ZNF469: variants seen among roughly 807,000 people sequenced by gnomAD.
ZNF469 encodes zinc finger protein 469.
ZNF469 carries 1 observed loss-of-function variant against 1.0 expected under a neutral mutation model. The observed-to-expected ratio is 1.00, with a 90% CI of 0.35 to 4.73. The LOEUF is 4.73. Among genes scored for constraint, ZNF469 ranks in the 30% most tolerant of loss-of-function variants. The pLI is 0.16. For missense variants in ZNF469, 6,100 were observed against 5,356.3 expected (o/e 1.14, Z -4.33); for synonymous variants, 2,703 against 2,363.4 (o/e 1.14, Z -4.17).
chr16:88,168,921 C>CCCG, the ZNF469 span, among the ~76,000 whole-genome samples: 3,699 of 127,062 alleles, frequency 0.029, 133 homozygotes, highest in South Asian at 0.12. The surrounding 1 kb of genome is among the most constrained non-coding windows in gnomAD (Gnocchi z 4.3). Flanking sequence ...CATAGTGAGA[C>CCCG]CCCCCCCTCT....
At chr16:88,205,963 G>GT in the ZNF469 span, among the ~76,000 whole-genome samples, 1 of 152,020 alleles carries the variant, frequency 6.6e-6, no homozygotes, top group African/African-American at 2.4e-5. This position sits in a 1 kb window ranked among gnomAD's most constrained non-coding sequence, Gnocchi z 4.2. Context: ...GGAAGGGGGG[G>GT]GCCCAGCCCA....
In ZNF469 at chr16:88,437,269, C is replaced by G; in HGVS notation, c.9799C>G (p.Pro3267Ala). Residue 3267 changes from proline to alanine, a missense_variant, in exon 3 of 3, where the codon CCG (proline) becomes GCG (alanine). Pro to Ala is a conservative substitution (Grantham distance 27). Transcript: ENST00000565624. The stretch of plus-strand genomic sequence containing the variant: ...AGAGGGAGAAGCCAAGAAAGACAGC[C>G]CGGGCGAGAGGGCGAAACCCCGGGC... ...GQEGEAKKDS[P>A]GERAKPRARS... is the part of the protein sequence containing the mutation. The G allele has an allele frequency of 6.5e-7, 1 of 1,548,518 alleles. No homozygotes were observed. The highest frequency in any genetic ancestry group is 1.4e-5 in the African/African-American group (1 of 73,088).
the ZNF469 span, among the ~76,000 whole-genome samples, chr16:88,358,821 C>G: frequency 2.0e-5 from 3 of 151,964 alleles, no homozygotes; most frequent in South Asian, 4.2e-4. Context: ...CAGGTTCAAG[C>G]GATTCTCCTG....
chr16:88,246,269 C>T, the ZNF469 span, among the ~76,000 whole-genome samples: 9 of 152,248 alleles, frequency 5.9e-5, no homozygotes, highest in African/African-American at 1.4e-4. Context: ...TTCATCCCTT[C>T]TGTATTTAAC....
At chr16:88,103,701 A>ACGGTCACTGCATTCGTCACTCTTAGCTGC in the ZNF469 span, among the ~76,000 whole-genome samples, 1 of 150,070 alleles carries the variant, frequency 6.7e-6, no homozygotes, top group African/African-American at 2.5e-5. Context: ...TGGCACGAGG[A>ACGGTCACTGCATTCGTCACTCTTAGCTGC]AGCGCTGGAA....
chr16:88,223,614 T>C, the ZNF469 span, among the ~76,000 whole-genome samples: 1 of 152,170 alleles, frequency 6.6e-6, no homozygotes, highest in African/African-American at 2.4e-5. Context: ...TGCTTGGGAA[T>C]GATGCCTCGA....
At position 88,435,059 on chromosome 16, in the gene ZNF469, G is replaced by C. The variant is rs950651470; in HGVS notation, c.7589G>C (p.Ser2530Thr). ...AAGTGCCAGCCGCCCAGGAAGAAAA[G>C]CCACAGGGTGTCTGGGAAGGAGAGA... ...AQKCQPPRKK[S>T]HRVSGKERPN... is the part of the protein sequence containing the mutation. The change falls in exon 3 of 3, where the codon AGC (serine) becomes ACC (threonine). Residue 2530 changes from serine (S) to threonine (T), a missense_variant. Ser to Thr is a moderately conservative substitution (Grantham distance 58, BLOSUM62 1). Transcript: ENST00000565624. 4 of 1,550,286 alleles carry C rather than the reference G, an allele frequency of 2.6e-6. No individual in the cohort carries two copies. The African/African-American group carries it at 5.5e-5, about 21-fold the overall frequency.
Position 88,432,111 on chromosome 16 carries a change from T to A in ZNF469, c.4641T>A (p.Ser1547Arg), listed in dbSNP as rs761880505. ...GAAPSLPGKGSGCSVALMSHL... is the reference protein window; with the variant it reads ...GAAPSLPGKGRGCSVALMSHL... ...CCCCATCTTTGCCTGGGAAGGGGAGTGGATGTAGCGTTGCTCTTATGAGTC... is the reference window on the plus strand; with the variant it reads ...CCCCATCTTTGCCTGGGAAGGGGAGAGGATGTAGCGTTGCTCTTATGAGTC... The change falls in exon 3 of 3, where the codon AGT (serine) becomes AGA (arginine). Residue 1547 changes from serine (S) to arginine (R), a missense_variant. Ser to Arg is a moderately radical substitution (Grantham distance 110, BLOSUM62 -1). Coordinates refer to ENST00000565624, the MANE Select transcript of ZNF469 (RefSeq NM_001367624.2). 10 of 1,549,392 alleles carry A rather than the reference T, an allele frequency of 6.5e-6. No individual in the cohort carries two copies. The South Asian group carries it at 1.2e-4, about 18-fold the overall frequency.
At chr16:88,354,173 C>A in the ZNF469 span, among the ~76,000 whole-genome samples, 1 of 152,162 alleles carries the variant, frequency 6.6e-6, no homozygotes, top group African/African-American at 2.4e-5. Flanking sequence ...TCCTTGCAAC[C>A]CAAGGGGTTC....
At chr16:88,193,048 ATGATGGTGATGGTGG>A in the ZNF469 span, among the ~76,000 whole-genome samples, 2 of 38,528 alleles carry the variant, frequency 5.2e-5, no homozygotes, top group Non-Finnish European at 1.2e-4. Context: ...GGTGGTGGTG[ATGATGGTGATGGTGG>A]TGATGGTGGT....
At chr16:88,328,174 G>A in the ZNF469 span, among the ~76,000 whole-genome samples, 2 of 152,266 alleles carry the variant, frequency 1.3e-5, no homozygotes, top group African/African-American at 4.8e-5. Flanking sequence ...CGGGGCTGCT[G>A]TGCAGGCAGA....
the ZNF469 span, among the ~76,000 whole-genome samples, chr16:88,248,109 C>A: frequency 2.0e-5 from 3 of 152,094 alleles, no homozygotes; most frequent in Non-Finnish European, 4.4e-5. Flanking sequence ...AGCCAGAGAA[C>A]CAGTCTCTGA....
At chr16:88,382,762 A>G (rs2092528435), upstream of ZNF469, among the ~76,000 whole-genome samples, 1 of 152,238 alleles carries the variant, frequency 6.6e-6, no homozygotes. Context: ...CCGTCTCAGC[A>G]GCAAGGCCTG....
chr16:88,252,105 C>G, the ZNF469 span, among the ~76,000 whole-genome samples: 4 of 145,182 alleles, frequency 2.8e-5, no homozygotes, highest in Admixed American at 2.1e-4. Flanking sequence ...TTGAGCTGCA[C>G]ACAGCTGGGG....
intron 2 of ZNF469, among the ~76,000 whole-genome samples, chr16:88,425,346 C>T (rs1026557543): frequency 1.1e-4 from 17 of 152,190 alleles, no homozygotes; most frequent in Admixed American, 6.5e-4. Context: ...ACATGTGGGA[C>T]TGGGCTTCAT....
chr16:88,377,666 T>C, the ZNF469 span, among the ~76,000 whole-genome samples: 10 of 151,590 alleles, frequency 6.6e-5, no homozygotes, highest in South Asian at 2.1e-3. Context: ...CTCCCCATCC[T>C]CCCTCCTCTA....
chr16:88,313,150 G>A, the ZNF469 span, among the ~76,000 whole-genome samples: 2 of 152,078 alleles, frequency 1.3e-5, no homozygotes, highest in Admixed American at 6.6e-5. Flanking sequence ...CCCTTCATGT[G>A]GCTGAGGCAC....
the ZNF469 span, among the ~76,000 whole-genome samples, chr16:88,355,299 G>C: frequency 6.6e-6 from 1 of 152,184 alleles, no homozygotes; most frequent in Non-Finnish European, 1.5e-5. Context: ...ACCTCAAACA[G>C]TCCCCTAACC....
At chr16:88,332,641 G>T in the ZNF469 span, among the ~76,000 whole-genome samples, 13 of 152,342 alleles carry the variant, frequency 8.5e-5, no homozygotes, top group Admixed American at 4.6e-4. Flanking sequence ...GAGAGGGAAG[G>T]CACCATGAAA....
Sources: allele counts gnomAD v4.1 joint callset (sites outside exome capture counted in the v4.1 genomes callset), GRCh38; gene constraint gnomAD v4.1.1; non-coding constraint Gnocchi (gnomAD v3.1); transcripts MANE v1.5; gene names NCBI Gene and HGNC (gene_info 2026-07-23, HGNC 2026-07-21).